EFHD2: variants seen among roughly 807,000 people sequenced by gnomAD.
EFHD2 encodes the protein EF-hand domain-containing protein D2.
In EFHD2, 12 loss-of-function variants were observed where a neutral mutation model predicts 20.3. The observed-to-expected ratio is 0.59, with a 90% CI of 0.38 to 0.96. EFHD2 has a LOEUF of 0.96. Ranked by LOEUF, EFHD2 falls within the 40% of genes least tolerant of loss-of-function variation. EFHD2 has a pLI of 0.00. For synonymous variants in EFHD2, 131 were observed against 143.9 expected, an observed-to-expected ratio of 0.91 and a Z score of 0.64; for missense variants, 250 against 334.3, an observed-to-expected ratio of 0.75 and a Z score of 1.97.
In EFHD2 at chr1:15,426,833, AG is replaced by A. The variant is rs1307100474; in HGVS notation, c.457-315del. On this transcript the variant is annotated intron_variant, in intron 2 of 3. Coordinates refer to ENST00000375980, the MANE Select transcript of EFHD2 (RefSeq NM_024329.6). This position sits in a 1 kb window ranked among gnomAD's most constrained non-coding sequence, Gnocchi z 4.6. The stretch of plus-strand genomic sequence containing the variant: ...GGACTCAATACATGGAACGCAGAGT[AG>A]GTTCACTGGGCAACAGCGGGAGACA... Among the ~76,000 whole-genome samples the A allele has an allele frequency of 6.6e-6, 1 of 152,200 alleles. No homozygotes were observed. The highest frequency in any genetic ancestry group is 1.5e-5 in the Non-Finnish European group (1 of 68,024).
In EFHD2 at chr1:15,425,819, G is replaced by A. The variant is rs370803431; in HGVS notation, c.309-52G>A. 219 of 1,579,698 alleles carry A rather than the reference G, an allele frequency of 1.4e-4. No homozygotes were observed. In the African/African-American group the frequency reaches 2.4e-3, roughly 18 times the overall value. On this transcript the variant is annotated intron_variant, in intron 1 of 3. Transcript: ENST00000375980. ...CCAGTCTCCTTGCACTCAAGCCTGC[G>A]GCCTCTCTGACTGAGCCAGTGCCAA...
intron 1 of EFHD2, 36 bp downstream of exon 1, chr1:15,410,315 C>T (rs1360098773): frequency 1.3e-6 from 2 of 1,543,338 alleles, no homozygotes; most frequent in Non-Finnish European, 1.7e-6. Flanking sequence ...CCGCCCGCCC[C>T]GCGACCCGGT....
At position 15,427,865 on chromosome 1, in the gene EFHD2, G is replaced by A. The variant is rs958975086; in HGVS notation, c.591+581G>A. Reference sequence around the variant, plus strand: ...TGCCTCCCACCACCCTCTGGGCTTCGGAGCATTGGTGGAACTTTTCAGGGT... The same window carrying A: ...TGCCTCCCACCACCCTCTGGGCTTCAGAGCATTGGTGGAACTTTTCAGGGT... On this transcript the variant is annotated intron_variant, in intron 3 of 3. Coordinates refer to ENST00000375980, the MANE Select transcript of EFHD2 (RefSeq NM_024329.6). 31 of 468,364 alleles carry A rather than the reference G, an allele frequency of 6.6e-5. No individual in the cohort carries two copies. The East Asian group carries it at 1.1e-3, about 17-fold the overall frequency. 29.0% of individuals were successfully genotyped at this position (468,364 alleles called of 1,614,324 possible). A position where few individuals can be genotyped will look rare whatever the true frequency, so the allele number is the denominator to read the frequency against.
rs1271622257 is a variant in EFHD2 at position 15,413,785 on chromosome 1, G to C, written c.308+3506G>C. The stretch of plus-strand genomic sequence containing the variant: ...GAGGAGAGTGGTCCCGGTGTCTCAG[G>C]GTGGGGCTCCGAGGACATGACACAC... On this transcript the variant is annotated intron_variant, in intron 1 of 3. Transcript: ENST00000375980. This position sits in a 1 kb window ranked among gnomAD's most constrained non-coding sequence, Gnocchi z 4.4. Among the ~76,000 whole-genome samples the C allele has an allele frequency of 6.6e-6, 1 of 152,206 alleles. No homozygotes were observed. Among genetic ancestry groups the C allele is most frequent in the Non-Finnish European group, 1.5e-5 (1 of 68,038 alleles).
intron 1 of EFHD2, among the ~76,000 whole-genome samples, chr1:15,420,242 T>C (rs75132765): frequency 0.015 from 2,318 of 152,360 alleles, 62 homozygotes; most frequent in African/African-American, 0.053. Context: ...AACTTCTCAA[T>C]ATAACAACTA....
chr1:15,424,439 A>G (rs576026393), intron 1 of EFHD2, among the ~76,000 whole-genome samples: 18 of 152,276 alleles, frequency 1.2e-4, no homozygotes, highest in African/African-American at 4.1e-4. Context: ...GTCAAGAGGG[A>G]CTTGCCCCCA....
chr1:15,411,023 C>G (rs980884182), intron 1 of EFHD2, among the ~76,000 whole-genome samples: 10 of 152,116 alleles, frequency 6.6e-5, no homozygotes, highest in Non-Finnish European at 1.5e-4. Context: ...CCCCTCGGCC[C>G]CTGTTGCCCC....
intron 1 of EFHD2, among the ~76,000 whole-genome samples, chr1:15,417,523 A>C (rs1186792045): frequency 2.0e-5 from 3 of 151,692 alleles, no homozygotes; most frequent in Non-Finnish European, 4.4e-5. Context: ...TCCGTGGGGG[A>C]GCCCCAAGCG....
chr1:15,424,498 C>T (rs961040025), intron 1 of EFHD2, among the ~76,000 whole-genome samples: 1 of 152,160 alleles, frequency 6.6e-6, no homozygotes, highest in Non-Finnish European at 1.5e-5. Flanking sequence ...AAAAAGAGAA[C>T]CTGAGAGTGC....
chr1:15,425,174 T>C (rs1179182706), intron 1 of EFHD2, among the ~76,000 whole-genome samples: 1 of 152,112 alleles, frequency 6.6e-6, no homozygotes, highest in Non-Finnish European at 1.5e-5. Flanking sequence ...CAGCTGGTCA[T>C]GGAGGTGGTG....
At chr1:15,414,611 G>A (rs946343839) in intron 1 of EFHD2, among the ~76,000 whole-genome samples, 2 of 152,202 alleles carry the variant, frequency 1.3e-5, no homozygotes, top group Admixed American at 6.5e-5. Flanking sequence ...TGGTCATTGC[G>A]GCTGGCTCAG....
chr1:15,412,727 A>G (rs562223563), intron 1 of EFHD2, among the ~76,000 whole-genome samples: 1 of 152,316 alleles, frequency 6.6e-6, no homozygotes, highest in South Asian at 2.1e-4. Context: ...GGGACTTGGG[A>G]GGCTGCAGTG....
intron 1 of EFHD2, among the ~76,000 whole-genome samples, chr1:15,411,656 G>A (rs1707520212): frequency 6.6e-6 from 1 of 152,200 alleles, no homozygotes; most frequent in African/African-American, 2.4e-5. Flanking sequence ...TTCTGGAAGG[G>A]GATAGAACTG....
At chr1:15,427,951 G>A (rs762715750) in intron 3 of EFHD2, 2 of 470,480 alleles carry the variant, frequency 4.3e-6, no homozygotes, top group Non-Finnish European at 8.8e-6. Flanking sequence ...GATCAGGATG[G>A]CAGCAGCTTG....
chr1:15,418,374 C>T (rs1297590260), intron 1 of EFHD2, among the ~76,000 whole-genome samples: 11 of 136,074 alleles, frequency 8.1e-5, no homozygotes, highest in East Asian at 2.2e-4. Flanking sequence ...GGCGCGATCT[C>T]GGCTCACTGC....
At chr1:15,420,340 T>G (rs1048224072) in intron 1 of EFHD2, among the ~76,000 whole-genome samples, 3 of 152,134 alleles carry the variant, frequency 2.0e-5, no homozygotes, top group Non-Finnish European at 4.4e-5. Context: ...TCATTTTCTT[T>G]TTTGTGTTTG....
chr1:15,420,133 GT>G (rs1185830529), intron 1 of EFHD2, among the ~76,000 whole-genome samples: 1 of 152,196 alleles, frequency 6.6e-6, no homozygotes, highest in African/African-American at 2.4e-5. Context: ...ACTGGAGCCT[GT>G]GGCAGAAGCC....
At position 15,410,055 on chromosome 1, in the gene EFHD2, C is replaced by G; in HGVS notation, c.84C>G (p.Pro28=). ...GEGGGETPEQ[P]GLNGAAAAAA... ...GCGGCGGCGAGACCCCGGAGCAGCC[C>G]GGGCTGAACGGGGCAGCGGCGGCGG... The change falls in exon 1 of 4, where the codon CCC becomes CCG. Residue 28 remains proline (P), a synonymous_variant. Coordinates refer to ENST00000375980, the MANE Select transcript of EFHD2 (RefSeq NM_024329.6). 1 of 1,340,260 alleles carries G rather than the reference C, an allele frequency of 7.5e-7. No homozygotes were observed. Among genetic ancestry groups the G allele is most frequent in the Non-Finnish European group, 9.5e-7 (1 of 1,050,202 alleles). 83.0% of individuals were successfully genotyped at this position (1,340,260 alleles called of 1,614,324 possible).
chr1:15,428,693 C>A lies in EFHD2; in HGVS notation c.692C>A (p.Ala231Asp). ...QAEEMKQRKA[A>D]FKELQSTFK Reference sequence around the variant, plus strand: ...GAGGAGATGAAGCAGCGGAAAGCGGCCTTCAAGGAGCTGCAGTCCACCTTT... The same window carrying A: ...GAGGAGATGAAGCAGCGGAAAGCGGACTTCAAGGAGCTGCAGTCCACCTTT... Residue 231 changes from alanine (A) to aspartate (D), a missense_variant, in exon 4 of 4, where the codon GCC becomes GAC. Physicochemically the swap from Ala to Asp is moderately radical, Grantham distance 126. Around this residue, in one of 3 missense-constraint regions of EFHD2, gnomAD observed 100 missense variants for 116.2 expected, o/e 0.86. Transcript: ENST00000375980. The A allele has an allele frequency of 6.3e-7, 1 of 1,598,876 alleles. No individual in the cohort carries two copies. The highest frequency in any genetic ancestry group is 8.5e-7 in the Non-Finnish European group (1 of 1,173,560).
Sources: allele counts gnomAD v4.1 joint callset (sites outside exome capture counted in the v4.1 genomes callset), GRCh38; gene constraint gnomAD v4.1.1; regional missense constraint gnomAD v4.1.1; non-coding constraint Gnocchi (gnomAD v3.1); transcripts MANE v1.5; gene names NCBI Gene and HGNC (gene_info 2026-07-23, HGNC 2026-07-21).